Variants in PICALM observed in about 807,000 individuals in gnomAD.
PICALM encodes phosphatidylinositol-binding clathrin assembly protein.
In PICALM, 40 loss-of-function variants were observed where a neutral mutation model predicts 80.5. The ratio of observed to expected loss-of-function variants is 0.50; its 90% confidence interval spans 0.39 to 0.65. PICALM has a LOEUF of 0.65. Among genes scored for constraint, PICALM ranks in the 30% least tolerant of loss-of-function variants. The pLI, the probability that PICALM is intolerant of heterozygous loss-of-function variation, is 0.00. For synonymous variants in PICALM, 288 were observed against 260.3 expected, an observed-to-expected ratio of 1.11 and a Z score of -1.02; for missense variants, 676 against 778.9, an observed-to-expected ratio of 0.87 and a Z score of 1.57.
At chr11:85,973,677 A>AGATTCAAATTG (rs1310534474) in intron 19 of PICALM, among the ~76,000 whole-genome samples, 1 of 152,198 alleles carries the variant, frequency 6.6e-6, no homozygotes, top group Non-Finnish European at 1.5e-5. Flanking sequence ...CACAGAGACT[A>AGATTCAAATTG]GATTCAAATT....
At chr11:86,029,613 T>C (rs2095713651) in intron 2 of PICALM, among the ~76,000 whole-genome samples, 1 of 152,222 alleles carries the variant, frequency 6.6e-6, no homozygotes, top group African/African-American at 2.4e-5. Context: ...TCAATTACCT[T>C]ATTTACAGCC....
chr11:86,047,170 C>T (rs2096087256), intron 1 of PICALM, among the ~76,000 whole-genome samples: 1 of 152,220 alleles, frequency 6.6e-6, no homozygotes, highest in Non-Finnish European at 1.5e-5. Flanking sequence ...CACACTCTAC[C>T]CCCATTTCCA....
At chr11:86,051,400 C>T (rs912464983) in intron 1 of PICALM, among the ~76,000 whole-genome samples, 2 of 152,186 alleles carry the variant, frequency 1.3e-5, no homozygotes, top group African/African-American at 4.8e-5. Flanking sequence ...GTGGCTCACT[C>T]CTGTAATCCC....
intron 5 of PICALM, among the ~76,000 whole-genome samples, chr11:86,013,322 CA>C (rs922890290): frequency 6.6e-6 from 1 of 151,216 alleles, no homozygotes; most frequent in African/African-American, 2.4e-5. Flanking sequence ...CTCAAAAAAA[CA>C]AAAAAAAGAT....
intron 4 of PICALM, among the ~76,000 whole-genome samples, chr11:86,019,057 T>A (rs1356250078): frequency 1.3e-5 from 2 of 152,178 alleles, no homozygotes; most frequent in Admixed American, 6.5e-5. Context: ...CAGAAAAGGT[T>A]AGACACACTA....
At chr11:86,039,711 C>T (rs1230162738) in intron 1 of PICALM, among the ~76,000 whole-genome samples, 2 of 152,042 alleles carry the variant, frequency 1.3e-5, no homozygotes, top group African/African-American at 2.4e-5. Context: ...CACATAATTG[C>T]AAAATTGTGT....
chr11:86,033,178 T>C (rs1489414491), intron 1 of PICALM, among the ~76,000 whole-genome samples: 1 of 152,222 alleles, frequency 6.6e-6, no homozygotes, highest in African/African-American at 2.4e-5. Context: ...CCTATGGCAC[T>C]GAACATATTA....
chr11:86,023,473 T>G lies in PICALM; in HGVS notation c.350-1004A>C. 3.0e-6 allele frequency: 3 copies of G among 985,250 alleles called. No homozygotes were observed. In the African/African-American group the frequency reaches 5.2e-5, roughly 17 times the overall value. 61.0% of individuals were successfully genotyped at this position (985,250 alleles called of 1,614,324 possible). A position where few individuals can be genotyped will look rare whatever the true frequency, so the allele number is the denominator to read the frequency against. On this transcript the variant is annotated intron_variant, in intron 3 of 19. Transcript: ENST00000393346. ...ACATTCCTCAGCTCTTCGGTTCATA[T>G]GGTTCTATCTACTATACCCCATCCT...
chr11:86,016,655 AAAG>A (rs2095485379), intron 4 of PICALM, among the ~76,000 whole-genome samples: 1 of 152,236 alleles, frequency 6.6e-6, no homozygotes, highest in African/African-American at 2.4e-5. Flanking sequence ...GAGTGCTGGT[AAAG>A]AAAACAGCAC....
chr11:86,048,429 A>G (rs186268356), intron 1 of PICALM, among the ~76,000 whole-genome samples: 10 of 152,376 alleles, frequency 6.6e-5, no homozygotes, highest in Admixed American at 4.6e-4. Context: ...TTTATACTCT[A>G]TAAAGTCTAA....
chr11:86,043,404 C>A (rs2096009622), intron 1 of PICALM, among the ~76,000 whole-genome samples: 2 of 152,122 alleles, frequency 1.3e-5, no homozygotes, highest in South Asian at 4.1e-4. Flanking sequence ...AAATCATTCA[C>A]AAATTTCTTC....
At position 86,022,859 on chromosome 11, in the gene PICALM, T is replaced by C. The variant is rs1169650376; in HGVS notation, c.350-390A>G. ...CCATTCCTCAAATCAAGCAACTTTA[T>C]ATAATTTTTATACTCCTAAAATCTT... On this transcript the variant is annotated intron_variant, in intron 3 of 19. Transcript: ENST00000393346. Among the ~76,000 whole-genome samples the C allele has an allele frequency of 5.3e-5, 8 of 152,176 alleles. No homozygotes were observed. The East Asian group carries it at 1.5e-3, about 29-fold the overall frequency.
chr11:86,000,777 T>A lies in PICALM; in HGVS notation c.1020A>T (p.Glu340Asp). ...TCTTTGCAAGTTCTTTTAGGCGCTG[T>A]TCCTGTTAAGAAAGGGAACTACCAT... ...EEQARLKALK[E>D]QRLKELAKKP... The change falls in exon 11 of 20, where the codon GAA becomes GAT. Residue 340 changes from glutamate to aspartate, a missense_variant and splice_region_variant. By Grantham distance (45) the Glu-to-Asp change is conservative. Coordinates refer to ENST00000393346, the MANE Select transcript of PICALM (RefSeq NM_007166.4). The A allele has an allele frequency of 6.2e-7, 1 of 1,612,418 alleles. No individual in the cohort carries two copies. Among genetic ancestry groups the A allele is most frequent in the Non-Finnish European group, 8.5e-7 (1 of 1,179,754 alleles).
At position 86,011,149 on chromosome 11, in the gene PICALM, A is replaced by G; in HGVS notation, c.659-13T>C. Reference sequence around the variant, plus strand: ...TCAAAATATTTTTCTGACAAAATAAATGTAAAAATTCTTTTGTTCACATCA... The same window carrying G: ...TCAAAATATTTTTCTGACAAAATAAGTGTAAAAATTCTTTTGTTCACATCA... On this transcript the variant is annotated splice_polypyrimidine_tract_variant and intron_variant, in intron 6 of 19. Transcript: ENST00000393346. 8.7e-7 allele frequency: 1 copy of G among 1,153,584 alleles called. No individual in the cohort carries two copies. The highest frequency in any genetic ancestry group is 1.3e-6 in the Non-Finnish European group (1 of 788,034). The allele number at this position is 1,153,584 out of a possible 1,614,324, so 71.5% of individuals were successfully genotyped here.
chr11:86,036,697 C>T (rs1425958759), intron 1 of PICALM, among the ~76,000 whole-genome samples: 10 of 151,944 alleles, frequency 6.6e-5, no homozygotes, highest in Admixed American at 6.6e-4. Flanking sequence ...ACTATGAGGC[C>T]AACGAATGCA....
intron 19 of PICALM, among the ~76,000 whole-genome samples, chr11:85,967,556 G>A (rs1417050720): frequency 6.6e-6 from 1 of 152,286 alleles, no homozygotes; most frequent in South Asian, 2.1e-4. Flanking sequence ...AATCCCCAAG[G>A]AAACGTCCCT....
At chr11:85,976,583 C>G (rs368510417) in intron 18 of PICALM, 40 bp downstream of exon 18, 2 of 1,178,078 alleles carry the variant, frequency 1.7e-6, no homozygotes, top group Non-Finnish European at 2.6e-6. Flanking sequence ...ATATATGAAT[C>G]AATATTTTTT....
At chr11:85,982,081 T>C in intron 14 of PICALM, 78 bp from the exon 15 acceptor site, 5 of 1,300,080 alleles carry the variant, frequency 3.8e-6, no homozygotes, top group Non-Finnish European at 5.5e-6. Flanking sequence ...GGTCTTTGCC[T>C]TTTCTCCTTG....
At position 85,974,814 on chromosome 11, in the gene PICALM, T is replaced by G; in HGVS notation, c.1840-2A>C. On this transcript the variant is annotated splice_acceptor_variant, in intron 18 of 19. Transcript: ENST00000393346. LOFTEE classifies it high-confidence loss of function. ...AGGAACACTTCCCATTTGTGGAGGC[T>G]AAAAAAGAGAAAAATATCAAAAGAT... is the stretch of plus-strand genomic sequence containing the variant. 6.3e-7 allele frequency: 1 copy of G among 1,592,748 alleles called. No homozygotes were observed. Among genetic ancestry groups the G allele is most frequent in the Non-Finnish European group, 8.6e-7 (1 of 1,160,614 alleles).
Sources: gnomAD v4.1 joint callset for allele counts (sites outside exome capture counted in the v4.1 genomes callset) on GRCh38, gnomAD v4.1.1 for gene constraint, MANE v1.5 for transcripts, NCBI Gene and HGNC (gene_info 2026-07-23, HGNC 2026-07-21) for gene names.